NBEA: variants seen among roughly 807,000 people sequenced by gnomAD.
NBEA encodes the protein lysosomal-trafficking regulator 2.
NBEA carries 44 observed loss-of-function variants against 343.4 expected under a neutral mutation model. The ratio of observed to expected loss-of-function variants is 0.13; its 90% CI spans 0.10 to 0.16. The LOEUF (loss-of-function observed/expected upper bound fraction) is 0.16. Ranked by LOEUF, NBEA falls within the 10% of genes least tolerant of loss-of-function variation. The pLI, the probability that NBEA is intolerant of heterozygous loss-of-function variation, is 1.00. For synonymous variants in NBEA, 1,175 were observed against 1,238.7 expected (o/e 0.95, Z 1.08); for missense variants, 2,555 against 3,631.3 (o/e 0.70, Z 7.62).
intron 11 of NBEA, among the ~76,000 whole-genome samples, chr13:35,100,931 T>C (rs1243104624): frequency 6.6e-6 from 1 of 152,018 alleles, no homozygotes; most frequent in Non-Finnish European, 1.5e-5. Context: ...ATTCTAAATA[T>C]TTCACATAAG....
At chr13:35,095,873 G>C (rs965407573) in intron 10 of NBEA, among the ~76,000 whole-genome samples, 1 of 151,756 alleles carries the variant, frequency 6.6e-6, no homozygotes, top group South Asian at 2.1e-4. Flanking sequence ...CTTGCTTTTT[G>C]GTTTATCCTA....
chr13:35,166,402 TG>T (rs2070035807), intron 24 of NBEA, among the ~76,000 whole-genome samples: 1 of 152,178 alleles, frequency 6.6e-6, no homozygotes, highest in Non-Finnish European at 1.5e-5. Flanking sequence ...ACTGACGCTT[TG>T]AGGTTGGCTT....
At chr13:35,110,775 A>G in intron 12 of NBEA, 35 bp from the exon 13 acceptor site, 1 of 1,549,830 alleles carries the variant, frequency 6.5e-7, no homozygotes, top group East Asian at 2.3e-5. Context: ...GGCATTTTAA[A>G]TTCATTTTAA....
intron 44 of NBEA, among the ~76,000 whole-genome samples, chr13:35,565,618 G>C (rs754507314): frequency 6.6e-6 from 1 of 151,944 alleles, no homozygotes; most frequent in Non-Finnish European, 1.5e-5. Context: ...GGATCATAAC[G>C]CATTTTTATA....
At chr13:35,624,111 C>A (rs916473515) in intron 48 of NBEA, among the ~76,000 whole-genome samples, 1 of 151,342 alleles carries the variant, frequency 6.6e-6, no homozygotes, top group East Asian at 1.9e-4. Flanking sequence ...TAGAGTTTAA[C>A]CCTTAAGATC....
chr13:35,381,612 C>A (rs1025292254), intron 38 of NBEA, among the ~76,000 whole-genome samples: 2 of 151,912 alleles, frequency 1.3e-5, no homozygotes, highest in African/African-American at 4.8e-5. Context: ...GATAAGACTG[C>A]AACTCTACTG....
chr13:35,142,688 A>G (rs1381714221), intron 18 of NBEA, among the ~76,000 whole-genome samples: 1 of 151,972 alleles, frequency 6.6e-6, no homozygotes, highest in African/African-American at 2.4e-5. Context: ...CTGCTTCCCC[A>G]TCCCCACCCC....
Position 35,667,402 on chromosome 13 carries a change from T to C in NBEA, c.8493T>C (p.Thr2831=), listed in dbSNP as rs772600437. Residue 2831 remains threonine (T), a synonymous_variant, in exon 57 of 59, where the codon ACT becomes ACC. Coordinates refer to ENST00000379939, the MANE Select transcript of NBEA (RefSeq NM_001385012.1). ...GCCCTTGCCTTGTCCACACCATCAC[T>C]GGAGATTTGCTGAGAGCCCTTGAAG... The part of the protein sequence containing the change: ...KEGPCLVHTI[T]GDLLRALEGP... 1.9e-6 allele frequency: 3 copies of C among 1,613,920 alleles called. No individual in the cohort carries two copies. Among genetic ancestry groups the C allele is most frequent in the Non-Finnish European group, 8.5e-7 (1 of 1,179,858 alleles).
intron 38 of NBEA, among the ~76,000 whole-genome samples, chr13:35,384,478 G>A (rs1172406841): frequency 6.9e-6 from 1 of 144,754 alleles, no homozygotes; most frequent in African/African-American, 2.5e-5. Flanking sequence ...CTACAAAGCA[G>A]TTTTTAAAAT....
intron 23 of NBEA, among the ~76,000 whole-genome samples, 160 bp downstream of exon 23, chr13:35,162,127 A>G (rs1374806656): frequency 6.6e-6 from 1 of 152,140 alleles, no homozygotes; most frequent in Admixed American, 6.6e-5. Context: ...TAAATTTATT[A>G]GTGATAATAA....
chr13:35,099,990 A>G (rs988114260), intron 11 of NBEA, among the ~76,000 whole-genome samples: 2 of 152,136 alleles, frequency 1.3e-5, no homozygotes, highest in African/African-American at 4.8e-5. Flanking sequence ...TGCTCTGAAA[A>G]TGAAACTGTT....
intron 48 of NBEA, among the ~76,000 whole-genome samples, chr13:35,623,293 G>A (rs971498173): frequency 3.3e-5 from 5 of 152,030 alleles, no homozygotes; most frequent in African/African-American, 7.2e-5. Flanking sequence ...ACCAATGACC[G>A]GTCAATACTG....
At chr13:35,395,581 C>A (rs1411146032) in intron 38 of NBEA, among the ~76,000 whole-genome samples, 1 of 152,064 alleles carries the variant, frequency 6.6e-6, no homozygotes, top group South Asian at 2.1e-4. Flanking sequence ...TGGACTAATA[C>A]ACATACCATG....
At chr13:35,240,920 T>C (rs938362186) in intron 34 of NBEA, among the ~76,000 whole-genome samples, 5 of 151,800 alleles carry the variant, frequency 3.3e-5, no homozygotes, top group African/African-American at 1.2e-4. Flanking sequence ...AGTTTACTTA[T>C]TAATATTTTG....
At chr13:35,463,592 C>G (rs1440505483) in intron 40 of NBEA, among the ~76,000 whole-genome samples, 2 of 152,030 alleles carry the variant, frequency 1.3e-5, no homozygotes, top group Non-Finnish European at 2.9e-5. Flanking sequence ...TGCACTCCAG[C>G]CTGGGTGACA....
intron 41 of NBEA, among the ~76,000 whole-genome samples, chr13:35,546,094 G>T (rs1194349062): frequency 6.6e-6 from 1 of 152,122 alleles, no homozygotes; most frequent in African/African-American, 2.4e-5. Context: ...ACTATTTTAG[G>T]CACTGTGTAT....
At chr13:35,597,294 C>G (rs1162307599) in intron 47 of NBEA, among the ~76,000 whole-genome samples, 4 of 152,172 alleles carry the variant, frequency 2.6e-5, no homozygotes, top group Non-Finnish European at 5.9e-5. Context: ...CACAAAATGT[C>G]TGCTATAATG....
chr13:35,241,758 A>C (rs1460862665), intron 34 of NBEA, among the ~76,000 whole-genome samples: 1 of 151,938 alleles, frequency 6.6e-6, no homozygotes, highest in Non-Finnish European at 1.5e-5. Flanking sequence ...ATGTTGCAGC[A>C]ATGAAGTAAA....
chr13:35,359,544 T>C (rs2040689426), intron 38 of NBEA, among the ~76,000 whole-genome samples: 1 of 152,116 alleles, frequency 6.6e-6, no homozygotes. Flanking sequence ...AAAATCTCTT[T>C]TACATCTATC....
Sources: gnomAD v4.1 joint callset for allele counts (sites outside exome capture counted in the v4.1 genomes callset) on GRCh38, gnomAD v4.1.1 for gene constraint, MANE v1.5 for transcripts, NCBI Gene and HGNC (gene_info 2026-07-23, HGNC 2026-07-21) for gene names.